The following HSD17B12 variants were observed in gnomAD, a reference collection of about 807,000 sequenced individuals.
HSD17B12 encodes the protein hydroxysteroid 17-beta dehydrogenase 12, also known as very-long-chain 3-oxoacyl-CoA reductase.
Under a neutral mutation model 39.3 loss-of-function variants are expected in HSD17B12, and 32 were observed. The ratio of observed to expected loss-of-function variants is 0.81; its 90% CI spans 0.61 to 1.09. HSD17B12 has a LOEUF of 1.09. Ranked by LOEUF, HSD17B12 falls within the 50% of genes least tolerant of loss-of-function variation. The pLI is 0.00. For synonymous variants in HSD17B12, 150 were observed against 146.7 expected (o/e 1.02, Z -0.16); for missense variants, 342 against 382.9 (o/e 0.89, Z 0.89).
the HSD17B12 span, chr11:43,579,104 C>CGGGGGAG: frequency 9.3e-5 from 1 of 10,708 alleles, no homozygotes; most frequent in South Asian, 2.4e-3. Flanking sequence ...TCAGTGGGGA[C>CGGGGGAG]GGGGGTGGGG....
At chr11:43,842,696 A>G (rs1951438322) in intron 9 of HSD17B12, among the ~76,000 whole-genome samples, 1 of 152,206 alleles carries the variant, frequency 6.6e-6, no homozygotes, top group African/African-American at 2.4e-5. Flanking sequence ...GCAATGGTAT[A>G]CCATTTTCTT....
At position 43,838,467 on chromosome 11, in the gene HSD17B12, G is replaced by A. The variant is rs141576820; in HGVS notation, c.618+69G>A. On this transcript the variant is annotated intron_variant, in intron 8 of 10. Transcript: ENST00000278353. ...GTAATTTTTAGTCTGAGAAATTAAC[G>A]TAGATTTAACTTTCCTGAAGTTCTG... 1,767 of 1,202,788 alleles carry A rather than the reference G, an allele frequency of 1.5e-3. 17 individuals are homozygous for A. In the East Asian group the frequency reaches 0.022, roughly 15 times the overall value. The allele number at this position is 1,202,788 out of a possible 1,614,324, so 74.5% of individuals were successfully genotyped here.
the HSD17B12 span, among the ~76,000 whole-genome samples, chr11:43,599,637 CTTTA>C: frequency 1.3e-5 from 2 of 152,020 alleles, no homozygotes; most frequent in African/African-American, 4.8e-5. Flanking sequence ...AAGGTTATTT[CTTTA>C]TTTATATAAA....
At chr11:43,662,377 TTGTG>T in the HSD17B12 span, among the ~76,000 whole-genome samples, 4,893 of 128,478 alleles carry the variant, frequency 0.038, 95 homozygotes, top group African/African-American at 0.067. Context: ...TTTATTTTAT[TTGTG>T]TGTGTGTGTG....
At chr11:43,606,230 G>T in the HSD17B12 span, among the ~76,000 whole-genome samples, 1 of 152,146 alleles carries the variant, frequency 6.6e-6, no homozygotes, top group Non-Finnish European at 1.5e-5. Context: ...TACTCATATC[G>T]TTACAATCCA....
the HSD17B12 span, among the ~76,000 whole-genome samples, chr11:43,663,149 C>T: frequency 3.3e-5 from 5 of 152,144 alleles, no homozygotes; most frequent in Non-Finnish European, 7.4e-5. Flanking sequence ...GTGGCGTGAT[C>T]TCAGCTCACT....
At chr11:43,613,088 A>G in the HSD17B12 span, among the ~76,000 whole-genome samples, 1 of 152,200 alleles carries the variant, frequency 6.6e-6, no homozygotes, top group African/African-American at 2.4e-5. Context: ...TGAGAAAGCC[A>G]TTGGAGGGTT....
the HSD17B12 span, among the ~76,000 whole-genome samples, chr11:43,657,706 C>G: frequency 2.0e-5 from 3 of 152,118 alleles, no homozygotes; most frequent in African/African-American, 7.2e-5. Flanking sequence ...AAATTCTTTC[C>G]TTTAAGAATG....
At chr11:43,605,287 C>T in the HSD17B12 span, among the ~76,000 whole-genome samples, 2 of 151,904 alleles carry the variant, frequency 1.3e-5, no homozygotes, top group Admixed American at 1.3e-4. Context: ...ATCGGCCGGG[C>T]GCAGTGGCTC....
chr11:43,794,814 G>A (rs1950901760), intron 3 of HSD17B12, among the ~76,000 whole-genome samples: 1 of 152,154 alleles, frequency 6.6e-6, no homozygotes, highest in South Asian at 2.1e-4. Flanking sequence ...AATTGTTTGT[G>A]CATCTTTATC....
intron 1 of HSD17B12, among the ~76,000 whole-genome samples, chr11:43,746,884 G>A (rs1275628483): frequency 6.6e-6 from 1 of 152,218 alleles, no homozygotes; most frequent in Non-Finnish European, 1.5e-5. Flanking sequence ...GGGGACCAGA[G>A]CTGTATATGT....
chr11:43,637,975 A>G, the HSD17B12 span, among the ~76,000 whole-genome samples: 2 of 152,176 alleles, frequency 1.3e-5, no homozygotes, highest in African/African-American at 4.8e-5. Context: ...TGGTGGAGTC[A>G]AGGGTAGATC....
intron 2 of HSD17B12, among the ~76,000 whole-genome samples, chr11:43,751,838 G>A (rs1391954183): frequency 6.6e-6 from 1 of 152,102 alleles, no homozygotes; most frequent in African/African-American, 2.4e-5. Context: ...AAATATTTCA[G>A]GATGAATCTT....
At chr11:43,584,276 G>A in the HSD17B12 span, among the ~76,000 whole-genome samples, 2 of 152,190 alleles carry the variant, frequency 1.3e-5, no homozygotes, top group Non-Finnish European at 2.9e-5. Flanking sequence ...AGCATGGGTT[G>A]ATTCAGATGT....
intron 3 of HSD17B12, among the ~76,000 whole-genome samples, chr11:43,764,789 TA>T (rs1235584656): frequency 6.6e-6 from 1 of 152,168 alleles, no homozygotes; most frequent in East Asian, 1.9e-4. Context: ...CTTTAATCTA[TA>T]AGTGCTTTAT....
At chr11:43,727,738 C>T (rs1950233995) in intron 1 of HSD17B12, among the ~76,000 whole-genome samples, 1 of 152,112 alleles carries the variant, frequency 6.6e-6, no homozygotes, top group African/African-American at 2.4e-5. Flanking sequence ...AGGAAAAAAA[C>T]ACAACAATTC....
chr11:43,574,221 A>T, the HSD17B12 span, among the ~76,000 whole-genome samples: 5 of 152,224 alleles, frequency 3.3e-5, no homozygotes, highest in Non-Finnish European at 1.5e-5. Context: ...AGAGTAGGAG[A>T]TCCTGAAAAG....
At chr11:43,566,690 C>T in the HSD17B12 span, among the ~76,000 whole-genome samples, 5 of 152,124 alleles carry the variant, frequency 3.3e-5, no homozygotes, top group Non-Finnish European at 7.3e-5. Context: ...CCGCCACGCC[C>T]GGCTAATTTT....
the HSD17B12 span, among the ~76,000 whole-genome samples, chr11:43,638,362 GT>G: frequency 6.6e-6 from 1 of 152,124 alleles, no homozygotes; most frequent in African/African-American, 2.4e-5. Context: ...CATTCCTTCA[GT>G]TTTAGAGTGA....
Sources: gnomAD v4.1 joint callset for allele counts (sites outside exome capture counted in the v4.1 genomes callset) on GRCh38, gnomAD v4.1.1 for gene constraint, MANE v1.5 for transcripts, NCBI Gene and HGNC (gene_info 2026-07-23, HGNC 2026-07-21) for gene names.